Variants in ALPK2 observed in about 807,000 individuals in gnomAD.
ALPK2 encodes the protein alpha-protein kinase 2.
Under a neutral mutation model 163.1 loss-of-function variants are expected in ALPK2, and 127 were observed. That is an observed-to-expected ratio of 0.78 (90% CI 0.67 to 0.90). The LOEUF (loss-of-function observed/expected upper bound fraction) is 0.90. Among genes scored for constraint, ALPK2 ranks in the 40% least tolerant of loss-of-function variants. ALPK2 has a pLI of 0.00. For missense variants in ALPK2, 2,360 were observed against 2,589.6 expected (o/e 0.91, Z 1.92); for synonymous variants, 953 against 959.1 (o/e 0.99, Z 0.12).
At chr18:58,504,967 G>C (rs763081796) in intron 10 of ALPK2, among the ~76,000 whole-genome samples, 1 of 152,174 alleles carries the variant, frequency 6.6e-6, no homozygotes, top group Non-Finnish European at 1.5e-5. Flanking sequence ...CAGGGAGCCA[G>C]GGAGATTGGC....
At chr18:58,488,134 C>T (rs898207010) in intron 12 of ALPK2, among the ~76,000 whole-genome samples, 2 of 152,104 alleles carry the variant, frequency 1.3e-5, no homozygotes, top group Admixed American at 1.3e-4. Flanking sequence ...CTCTATTTGA[C>T]TTTGGAAATG....
At chr18:58,618,203 G>T (rs945944522) in intron 1 of ALPK2, among the ~76,000 whole-genome samples, 1 of 152,118 alleles carries the variant, frequency 6.6e-6, no homozygotes, top group Admixed American at 6.5e-5. Context: ...AAGCCACCAT[G>T]CCTGGCTAAT....
chr18:58,503,541 T>G (rs1285685960), intron 11 of ALPK2, among the ~76,000 whole-genome samples: 1 of 152,020 alleles, frequency 6.6e-6, no homozygotes, highest in African/African-American at 2.4e-5. Flanking sequence ...AAAAAAAATT[T>G]TTTTTTAATT....
At chr18:58,511,621 A>G (rs1351226710) in intron 10 of ALPK2, 2 of 152,230 alleles carry the variant, frequency 1.3e-5, no homozygotes, top group African/African-American at 4.8e-5. Context: ...ATTATTTTTT[A>G]TTAAAACAAA....
intron 5 of ALPK2, among the ~76,000 whole-genome samples, chr18:58,530,495 C>G (rs956149254): frequency 3.0e-4 from 45 of 152,236 alleles, no homozygotes; most frequent in African/African-American, 1.1e-3. Context: ...CTCGACCAAG[C>G]CCACCTCCTC....
chr18:58,535,625 A>C lies in ALPK2; in HGVS notation c.4562T>G (p.Leu1521Ter). 1 of 1,614,118 alleles carries C rather than the reference A, an allele frequency of 6.2e-7. No individual in the cohort carries two copies. The highest frequency in any genetic ancestry group is 8.5e-7 in the Non-Finnish European group (1 of 1,180,032). The change falls in exon 5 of 13, where the codon TTA (leucine) becomes TGA (stop). Residue 1521 changes from leucine to a stop codon, truncating the protein, a stop_gained. Transcript: ENST00000361673. LOFTEE classifies it high-confidence loss of function. ...CTTTTTGCTTTGCTCAGCCTCCCCT[A>C]AGCTCCCATCACTGCTTTCTTGTAT... ...GQIQESSDGS[L>*]GEAEQSKKDK...
At chr18:58,547,608 G>A (rs148293022) in intron 4 of ALPK2, among the ~76,000 whole-genome samples, 1 of 152,322 alleles carries the variant, frequency 6.6e-6, no homozygotes, top group Admixed American at 6.5e-5. Context: ...CAACACCAGT[G>A]GCCTAAGCCT....
chr18:58,569,350 G>A (rs1432928730), intron 4 of ALPK2, among the ~76,000 whole-genome samples: 2 of 152,202 alleles, frequency 1.3e-5, no homozygotes, highest in Non-Finnish European at 2.9e-5. Context: ...CAAAACCCAG[G>A]CAGCTGAATG....
chr18:58,544,907 A>G (rs1301629798), intron 4 of ALPK2: 1 of 152,182 alleles, frequency 6.6e-6, no homozygotes, highest in African/African-American at 2.4e-5. Context: ...ACATAGCTAG[A>G]TGGGGCAAAG....
chr18:58,628,117 A>T (rs12456745), intron 1 of ALPK2, among the ~76,000 whole-genome samples: 47,522 of 152,038 alleles, frequency 0.31, 7,492 homozygotes, highest in East Asian at 0.35. Flanking sequence ...GGTGGCATTT[A>T]ATTGATGGAT....
At chr18:58,498,911 A>T (rs774783251) in intron 11 of ALPK2, among the ~76,000 whole-genome samples, 1 of 152,202 alleles carries the variant, frequency 6.6e-6, no homozygotes, top group African/African-American at 2.4e-5. Context: ...CGGCAGTGTG[A>T]AAATGGACTA....
At chr18:58,598,957 A>G (rs1822103820) in intron 3 of ALPK2, among the ~76,000 whole-genome samples, 1 of 152,154 alleles carries the variant, frequency 6.6e-6, no homozygotes, top group South Asian at 2.1e-4. Context: ...CAGTGACAGT[A>G]CTTTCAGAAC....
At position 58,535,827 on chromosome 18, in the gene ALPK2, C is replaced by A; in HGVS notation, c.4360G>T (p.Val1454Phe). 1 of 1,614,230 alleles carries A rather than the reference C, an allele frequency of 6.2e-7. No homozygotes were observed. The highest frequency in any genetic ancestry group is 8.5e-7 in the Non-Finnish European group (1 of 1,180,020). ...AGAATGGTTCCCTGGAGACATGGAACTTGCAAAATGGCCGGCTGGATTTCC... is the reference window on the plus strand; with the variant it reads ...AGAATGGTTCCCTGGAGACATGGAAATTGCAAAATGGCCGGCTGGATTTCC... Reference protein sequence around the residue: ...EAEIQPAILQVPCLQGTILSE... With the variant: ...EAEIQPAILQFPCLQGTILSE... The change falls in exon 5 of 13, where the codon GTT (valine) becomes TTT (phenylalanine). Residue 1454 changes from valine (V) to phenylalanine (F), a missense_variant. Transcript: ENST00000361673.
intron 11 of ALPK2, among the ~76,000 whole-genome samples, chr18:58,501,181 G>A (rs925450054): frequency 3.3e-5 from 5 of 152,136 alleles, no homozygotes; most frequent in African/African-American, 7.2e-5. Flanking sequence ...AACCACACAC[G>A]TCATTTACAG....
At chr18:58,531,670 CG>C (rs1255823688) in intron 5 of ALPK2, among the ~76,000 whole-genome samples, 9 of 96,764 alleles carry the variant, frequency 9.3e-5, no homozygotes, top group African/African-American at 2.7e-4. Context: ...AAAAAAAGGA[CG>C]GGCATGCGGG....
intron 1 of ALPK2, among the ~76,000 whole-genome samples, chr18:58,616,616 G>T (rs1367102883): frequency 1.3e-5 from 2 of 152,128 alleles, no homozygotes; most frequent in Non-Finnish European, 2.9e-5. Context: ...GCTGACAGGA[G>T]GTGAAGAACT....
chr18:58,531,945 A>AAAT (rs1247279992), intron 5 of ALPK2, among the ~76,000 whole-genome samples: 1 of 149,810 alleles, frequency 6.7e-6, no homozygotes, highest in Non-Finnish European at 1.5e-5. Context: ...CAAAAAAAAA[A>AAAT]AAAAAAAAAA....
intron 12 of ALPK2, among the ~76,000 whole-genome samples, chr18:58,494,635 T>G (rs2051392359): frequency 6.6e-6 from 1 of 152,078 alleles, no homozygotes; most frequent in South Asian, 2.1e-4. Flanking sequence ...AGCTGAACCC[T>G]GCCAGGTACC....
intron 1 of ALPK2, among the ~76,000 whole-genome samples, chr18:58,623,577 C>T (rs2052213563): frequency 6.6e-6 from 1 of 152,188 alleles, no homozygotes; most frequent in African/African-American, 2.4e-5. Flanking sequence ...GCAATCCTCC[C>T]TCCTCAGCCT....
Sources: allele counts gnomAD v4.1 joint callset (sites outside exome capture counted in the v4.1 genomes callset), GRCh38; gene constraint gnomAD v4.1.1; transcripts MANE v1.5; gene names NCBI Gene and HGNC (gene_info 2026-07-23, HGNC 2026-07-21).